ZDHHC14: variants seen among roughly 807,000 people sequenced by gnomAD.
ZDHHC14 encodes palmitoyltransferase ZDHHC14.
Under a neutral mutation model 47.7 loss-of-function variants are expected in ZDHHC14, and 16 were observed. The observed-to-expected ratio is 0.34, with a 90% CI of 0.23 to 0.51. The LOEUF (loss-of-function observed/expected upper bound fraction) is 0.51, where lower values mean the gene tolerates loss of function less well. Among genes scored for constraint, ZDHHC14 ranks in the 20% least tolerant of loss-of-function variants. ZDHHC14 has a pLI of 0.97. For synonymous variants in ZDHHC14, 293 were observed against 278.9 expected (o/e 1.05, Z -0.50); for missense variants, 515 against 662.5 (o/e 0.78, Z 2.44).
chr6:157,566,509 T>C (rs562980247), intron 2 of ZDHHC14, among the ~76,000 whole-genome samples: 5 of 152,172 alleles, frequency 3.3e-5, no homozygotes, highest in Non-Finnish European at 5.9e-5. Context: ...GCCCACAGGG[T>C]GAAGTCCACT....
At chr6:157,580,694 G>T (rs891699763) in intron 2 of ZDHHC14, among the ~76,000 whole-genome samples, 2 of 148,022 alleles carry the variant, frequency 1.4e-5, no homozygotes, top group Non-Finnish European at 3.0e-5. Context: ...TCATAGTACT[G>T]TCTGGGTTTT....
At chr6:157,410,309 A>T (rs987545226) in intron 1 of ZDHHC14, among the ~76,000 whole-genome samples, 1 of 152,232 alleles carries the variant, frequency 6.6e-6, no homozygotes, top group Non-Finnish European at 1.5e-5. Flanking sequence ...TTCCACGGAA[A>T]GTGGAAAAAA....
chr6:157,381,333 G>A lies in ZDHHC14; in HGVS notation c.-689G>A, dbSNP rs1777204670. 6.6e-6 allele frequency: 1 copy of A among 152,062 alleles called. No individual in the cohort carries two copies. The highest frequency in any genetic ancestry group is 2.4e-5 in the African/African-American group (1 of 41,220). The allele number at this position is 152,062 out of a possible 1,614,324, so 9.4% of individuals were successfully genotyped here. ...CCCTCGGCCCGCGCATCCCCGCGCG[G>A]GGGCCGCGGATTCGACTAGGCTGCC... is the stretch of plus-strand genomic sequence containing the variant. On this transcript the variant is annotated 5_prime_UTR_variant, in exon 1 of 9. Coordinates refer to ENST00000359775, the MANE Select transcript of ZDHHC14 (RefSeq NM_024630.3).
chr6:157,453,483 C>T (rs1010273688), intron 1 of ZDHHC14, among the ~76,000 whole-genome samples: 2 of 152,182 alleles, frequency 1.3e-5, no homozygotes, highest in Admixed American at 1.3e-4. Context: ...TTCACTCAAA[C>T]TTGAGTTTCA....
intron 8 of ZDHHC14, among the ~76,000 whole-genome samples, chr6:157,666,733 C>A (rs1340382767): frequency 6.6e-6 from 1 of 152,174 alleles, no homozygotes; most frequent in Non-Finnish European, 1.5e-5. Flanking sequence ...TTTTTTCAGA[C>A]AAGACGTCAG....
At chr6:157,491,227 T>C (rs1192364410) in intron 1 of ZDHHC14, among the ~76,000 whole-genome samples, 1 of 152,096 alleles carries the variant, frequency 6.6e-6, no homozygotes, top group African/African-American at 2.4e-5. Flanking sequence ...AGGGGAGAGG[T>C]ATGTTCGGCT....
chr6:157,429,764 A>G (rs1404890766), intron 1 of ZDHHC14, among the ~76,000 whole-genome samples: 1 of 152,208 alleles, frequency 6.6e-6, no homozygotes, highest in Non-Finnish European at 1.5e-5. Flanking sequence ...CTCAGCAGCC[A>G]TCTGTCTTCT....
intron 1 of ZDHHC14, among the ~76,000 whole-genome samples, chr6:157,496,416 A>T (rs142506785): frequency 0.17 from 26,479 of 152,038 alleles, 3,458 homozygotes; most frequent in African/African-American, 0.36. Context: ...CCCCAAAAAG[A>T]TATGTTGGAG....
intron 1 of ZDHHC14, among the ~76,000 whole-genome samples, chr6:157,422,084 T>G (rs146445762): frequency 2.5e-4 from 38 of 152,306 alleles, no homozygotes; most frequent in African/African-American, 8.7e-4. Context: ...CGTACCTGGG[T>G]CTCAGTTGAG....
At position 157,676,725 on chromosome 6, in the gene ZDHHC14, G is replaced by C. The variant is rs1778976246; in HGVS notation, c.*3603G>C. On this transcript the variant is annotated 3_prime_UTR_variant, in exon 9 of 9. Transcript: ENST00000359775. ...GACTTTGAAGGGCACAGCCTGGCGGGCTACTCCCCAAGGGTCTCAGGTCTC... is the reference window on the plus strand; with the variant it reads ...GACTTTGAAGGGCACAGCCTGGCGGCCTACTCCCCAAGGGTCTCAGGTCTC... The C allele has an allele frequency of 6.6e-6, 1 of 152,294 alleles. No individual in the cohort carries two copies. The highest frequency in any genetic ancestry group is 2.4e-5 in the African/African-American group (1 of 41,460). The allele number at this position is 152,294 out of a possible 1,614,324, so 9.4% of individuals were successfully genotyped here.
chr6:157,534,650 A>G (rs371450850), intron 1 of ZDHHC14, among the ~76,000 whole-genome samples: 2 of 151,842 alleles, frequency 1.3e-5, no homozygotes, highest in African/African-American at 4.8e-5. Context: ...GTGCGGTGGC[A>G]TGATCTTGGC....
chr6:157,526,622 G>C lies in ZDHHC14; in HGVS notation c.246-15963G>C, dbSNP rs556782244. Among the ~76,000 whole-genome samples, 15 of 152,330 alleles carry C rather than the reference G, an allele frequency of 9.8e-5. No homozygotes were observed. The South Asian group carries it at 3.1e-3, about 32-fold the overall frequency. ...TTGTTTTTCTCTTTCACACACGAGTGTCTTCACATTTGGGAGTCTTGCCCA... is the reference window on the plus strand; with the variant it reads ...TTGTTTTTCTCTTTCACACACGAGTCTCTTCACATTTGGGAGTCTTGCCCA... On this transcript the variant is annotated intron_variant, in intron 1 of 8. Coordinates refer to ENST00000359775, the MANE Select transcript of ZDHHC14 (RefSeq NM_024630.3).
At chr6:157,519,716 C>T (rs1465770479) in intron 1 of ZDHHC14, among the ~76,000 whole-genome samples, 1 of 152,224 alleles carries the variant, frequency 6.6e-6, no homozygotes, top group Non-Finnish European at 1.5e-5. Flanking sequence ...CCTCTCAGCT[C>T]TTCCTCTGCA....
intron 2 of ZDHHC14, among the ~76,000 whole-genome samples, chr6:157,544,513 G>C (rs1267688922): frequency 6.6e-6 from 1 of 152,140 alleles, no homozygotes; most frequent in Non-Finnish European, 1.5e-5. Context: ...GCAGGGTGTG[G>C]TGGTGCGAGC....
chr6:157,425,214 T>C (rs902312387), intron 1 of ZDHHC14, among the ~76,000 whole-genome samples: 1 of 152,218 alleles, frequency 6.6e-6, no homozygotes, highest in African/African-American at 2.4e-5. Context: ...TTTCACCCTC[T>C]TGCTTCTATT....
intron 5 of ZDHHC14, among the ~76,000 whole-genome samples, chr6:157,638,723 G>A (rs1435352587): frequency 1.3e-5 from 2 of 152,244 alleles, no homozygotes; most frequent in African/African-American, 4.8e-5. Context: ...ATCTGCTGCT[G>A]CCCAGATCTG....
At chr6:157,393,450 T>C (rs1295791549) in intron 1 of ZDHHC14, among the ~76,000 whole-genome samples, 1 of 152,218 alleles carries the variant, frequency 6.6e-6, no homozygotes, top group African/African-American at 2.4e-5. Flanking sequence ...TGCTATCTTT[T>C]GGTGGTTTTC....
At chr6:157,492,444 C>T (rs2070276) in intron 1 of ZDHHC14, among the ~76,000 whole-genome samples, 65,247 of 151,414 alleles carry the variant, frequency 0.43, 15,893 homozygotes, top group East Asian at 0.85. Flanking sequence ...AGCGGGAAAG[C>T]GGGAAAGCGG....
At chr6:157,588,515 G>A (rs929328358) in intron 2 of ZDHHC14, among the ~76,000 whole-genome samples, 20 of 151,992 alleles carry the variant, frequency 1.3e-4, no homozygotes, top group African/African-American at 3.9e-4. Flanking sequence ...ATTCCTTTTC[G>A]AGCCCCTGAA....
Sources: gnomAD v4.1 joint callset for allele counts (sites outside exome capture counted in the v4.1 genomes callset) on GRCh38, gnomAD v4.1.1 for gene constraint, MANE v1.5 for transcripts, NCBI Gene and HGNC (gene_info 2026-07-23, HGNC 2026-07-21) for gene names.